Variants in SOX6 observed in about 807,000 individuals in gnomAD.
The protein encoded by SOX6 is transcription factor SOX-6.
A neutral mutation model predicts 97.8 loss-of-function variants in SOX6; 11 were observed. The observed-to-expected ratio is 0.11, with a 90% CI of 0.07 to 0.19. The LOEUF is 0.19. Among genes scored for constraint, SOX6 ranks in the 10% least tolerant of loss-of-function variants. SOX6 has a pLI of 1.00. For missense variants in SOX6, 810 were observed against 1,039.5 expected, an observed-to-expected ratio of 0.78 and a Z score of 3.04; for synonymous variants, 360 against 371.4, an observed-to-expected ratio of 0.97 and a Z score of 0.35.
chr11:16,355,739 A>G (rs530412027), intron 1 of SOX6, among the ~76,000 whole-genome samples: 3 of 152,178 alleles, frequency 2.0e-5, no homozygotes, highest in African/African-American at 7.2e-5. Flanking sequence ...ATTTTATTGA[A>G]AAGATTCATG....
At chr11:16,248,651 A>T (rs938193477) in intron 3 of SOX6, among the ~76,000 whole-genome samples, 5 of 152,244 alleles carry the variant, frequency 3.3e-5, no homozygotes, top group African/African-American at 9.6e-5. Context: ...AATGCAAGGC[A>T]TCATATCCCA....
chr11:16,696,868 C>A (rs1848057620), intron 3 of SOX6, among the ~76,000 whole-genome samples: 1 of 152,142 alleles, frequency 6.6e-6, no homozygotes, highest in South Asian at 2.1e-4. Context: ...TTCTTTGTAG[C>A]AAGTGATGCT....
intron 4 of SOX6, among the ~76,000 whole-genome samples, chr11:16,502,576 A>G: frequency 6.6e-6 from 1 of 152,288 alleles, no homozygotes; most frequent in Admixed American, 6.5e-5. Context: ...TAAAAAATAC[A>G]TTTGAAAGCT....
intron 13 of SOX6, among the ~76,000 whole-genome samples, chr11:15,991,872 T>C (rs1040335030): frequency 6.6e-6 from 1 of 152,158 alleles, no homozygotes; most frequent in Admixed American, 6.5e-5. Flanking sequence ...CTCCCACACA[T>C]GCTGTACCAC....
intron 7 of SOX6, among the ~76,000 whole-genome samples, chr11:16,103,940 G>A (rs755955277): frequency 1.3e-5 from 2 of 150,954 alleles, no homozygotes; most frequent in Admixed American, 6.6e-5. Context: ...TTGGGTGATG[G>A]GTGCACCAAA....
intron 3 of SOX6, among the ~76,000 whole-genome samples, chr11:16,650,007 C>A (rs1847623401): frequency 6.6e-6 from 1 of 152,020 alleles, no homozygotes; most frequent in Admixed American, 6.6e-5. Context: ...ACAAAATAGG[C>A]TTTAAAGCAA....
At chr11:16,431,681 A>T (rs1281542541) in intron 1 of SOX6, among the ~76,000 whole-genome samples, 2 of 152,154 alleles carry the variant, frequency 1.3e-5, no homozygotes, top group African/African-American at 2.4e-5. Context: ...AACAACTATG[A>T]AGCATATTAA....
chr11:16,450,330 C>T (rs1437115557), intron 1 of SOX6, among the ~76,000 whole-genome samples: 4 of 152,140 alleles, frequency 2.6e-5, no homozygotes, highest in Admixed American at 6.5e-5. Context: ...AACTTGGAAG[C>T]ATGCATTAAC....
intron 1 of SOX6, among the ~76,000 whole-genome samples, chr11:16,443,362 C>A (rs2133087959): frequency 6.6e-6 from 1 of 152,236 alleles, no homozygotes; most frequent in Non-Finnish European, 1.5e-5. Flanking sequence ...TGGAACATTT[C>A]AGGCTCTCCA....
intron 9 of SOX6, among the ~76,000 whole-genome samples, chr11:16,089,543 T>C (rs1848640422): frequency 6.6e-6 from 1 of 152,140 alleles, no homozygotes; most frequent in African/African-American, 2.4e-5. Flanking sequence ...ATCTTTATAA[T>C]CTAGAACAGC....
chr11:16,454,273 ATAGT>A (rs1441734255), intron 1 of SOX6, among the ~76,000 whole-genome samples: 6 of 152,066 alleles, frequency 3.9e-5, no homozygotes, highest in African/African-American at 1.4e-4. Context: ...TTAATCAGAG[ATAGT>A]TAGCAGTTAA....
At chr11:16,523,024 T>C (rs966180575) in intron 4 of SOX6, among the ~76,000 whole-genome samples, 6 of 152,058 alleles carry the variant, frequency 3.9e-5, no homozygotes, top group South Asian at 2.1e-4. Flanking sequence ...TCCCACACAA[T>C]AATAATGGGA....
intron 12 of SOX6, among the ~76,000 whole-genome samples, chr11:16,022,440 CT>C (rs1386842266): frequency 6.7e-6 from 1 of 148,322 alleles, no homozygotes; most frequent in Non-Finnish European, 1.5e-5. Context: ...TTGACAGAGT[CT>C]CATTCTATTG....
At chr11:16,040,477 T>G (rs186634343) in intron 12 of SOX6, among the ~76,000 whole-genome samples, 21 of 152,212 alleles carry the variant, frequency 1.4e-4, no homozygotes, top group Admixed American at 1.3e-3. Context: ...CCAACATTAA[T>G]AAAACTTACC....
intron 12 of SOX6, among the ~76,000 whole-genome samples, chr11:16,044,053 A>T (rs527979253): frequency 5.3e-5 from 8 of 152,240 alleles, no homozygotes; most frequent in East Asian, 1.9e-4. Context: ...GGGTTTTTTT[A>T]AAAAATTAAA....
intron 3 of SOX6, among the ~76,000 whole-genome samples, chr11:16,698,380 G>A (rs1848069298): frequency 6.6e-6 from 1 of 152,188 alleles, no homozygotes; most frequent in Non-Finnish European, 1.5e-5. Flanking sequence ...CTAGAACTGG[G>A]AGAGTTGGAA....
intron 3 of SOX6, among the ~76,000 whole-genome samples, chr11:16,691,766 C>T (rs993264579): frequency 4.6e-5 from 7 of 152,124 alleles, no homozygotes; most frequent in Non-Finnish European, 8.8e-5. Context: ...CACTGTACTC[C>T]AGCCTAGGCA....
chr11:16,296,740 A>G (rs976430427), intron 3 of SOX6, among the ~76,000 whole-genome samples: 7 of 152,142 alleles, frequency 4.6e-5, no homozygotes, highest in Admixed American at 3.3e-4. Context: ...AAATGGTAGG[A>G]AATGCCCATT....
At chr11:16,236,768 G>T (rs1207866359) in intron 3 of SOX6, among the ~76,000 whole-genome samples, 1 of 151,838 alleles carries the variant, frequency 6.6e-6, no homozygotes, top group Non-Finnish European at 1.5e-5. Flanking sequence ...ATCTTTTAGA[G>T]CTCCAAGAAA....
Sources: gnomAD v4.1 joint callset for allele counts (sites outside exome capture counted in the v4.1 genomes callset) on GRCh38, gnomAD v4.1.1 for gene constraint, MANE v1.5 for transcripts, NCBI Gene and HGNC (gene_info 2026-07-23, HGNC 2026-07-21) for gene names.